The following LRRC7 variants were observed in gnomAD, a reference collection of about 807,000 sequenced individuals.
LRRC7 encodes the protein leucine rich repeat containing 7.
In LRRC7, 23 loss-of-function variants were observed where a neutral mutation model predicts 175.7. The ratio of observed to expected loss-of-function variants is 0.13; its 90% confidence interval spans 0.09 to 0.19. The LOEUF (loss-of-function observed/expected upper bound fraction) is 0.19, where lower values mean the gene tolerates loss of function less well. Among genes scored for constraint, LRRC7 ranks in the 10% least tolerant of loss-of-function variants. LRRC7 has a pLI of 1.00. For missense variants in LRRC7, 1,354 were observed against 1,904.7 expected, an observed-to-expected ratio of 0.71 and a Z score of 5.38; for synonymous variants, 685 against 680.9, an observed-to-expected ratio of 1.01 and a Z score of -0.09.
intron 11 of LRRC7, among the ~76,000 whole-genome samples, chr1:70,008,189 G>T (rs925708843): frequency 6.6e-6 from 1 of 152,144 alleles, no homozygotes; most frequent in East Asian, 1.9e-4. Context: ...AAAGATGTAG[G>T]CTGGGGGGCT....
intron 4 of LRRC7, among the ~76,000 whole-genome samples, chr1:69,811,529 A>T (rs1677863994): frequency 6.6e-6 from 1 of 152,198 alleles, no homozygotes; most frequent in Non-Finnish European, 1.5e-5. Flanking sequence ...CCAAATGTCC[A>T]TCAATGACAG....
At chr1:69,823,841 C>A (rs2101229663) in intron 4 of LRRC7, among the ~76,000 whole-genome samples, 1 of 152,172 alleles carries the variant, frequency 6.6e-6, no homozygotes, top group Admixed American at 6.6e-5. Context: ...TATGATAAAA[C>A]CATTCATATA....
intron 17 of LRRC7, among the ~76,000 whole-genome samples, chr1:70,026,334 C>T (rs1384711766): frequency 6.6e-6 from 1 of 152,094 alleles, no homozygotes; most frequent in Non-Finnish European, 1.5e-5. Flanking sequence ...CATTCTACAA[C>T]TTACATTTTT....
intron 1 of LRRC7, among the ~76,000 whole-genome samples, chr1:69,594,807 C>G (rs1332678056): frequency 1.3e-5 from 2 of 152,086 alleles, no homozygotes; most frequent in Non-Finnish European, 2.9e-5. Flanking sequence ...TAGATGTGGT[C>G]AAATCATCAC....
At chr1:69,841,423 C>T (rs545100543) in intron 7 of LRRC7, among the ~76,000 whole-genome samples, 7 of 152,042 alleles carry the variant, frequency 4.6e-5, no homozygotes, top group South Asian at 4.2e-4. Flanking sequence ...AAGAAAACAA[C>T]GTTAAGACTA....
intron 1 of LRRC7, among the ~76,000 whole-genome samples, chr1:69,623,026 T>C (rs1424978956): frequency 6.6e-6 from 1 of 152,138 alleles, no homozygotes. Flanking sequence ...ATGTTCAGAG[T>C]ATCCCTGTAA....
At chr1:69,844,607 T>C (rs1356126843) in intron 7 of LRRC7, among the ~76,000 whole-genome samples, 1 of 152,142 alleles carries the variant, frequency 6.6e-6, no homozygotes, top group Non-Finnish European at 1.5e-5. Flanking sequence ...TTAAGTTGAT[T>C]CCATATCTTG....
intron 23 of LRRC7, among the ~76,000 whole-genome samples, chr1:70,068,523 T>C (rs1662141037): frequency 6.6e-6 from 1 of 152,220 alleles, no homozygotes; most frequent in Non-Finnish European, 1.5e-5. Context: ...TAAGGATTTG[T>C]GCATCTATAT....
chr1:69,690,701 C>T (rs1216350572), intron 2 of LRRC7, among the ~76,000 whole-genome samples: 2 of 152,114 alleles, frequency 1.3e-5, no homozygotes, highest in African/African-American at 4.8e-5. Flanking sequence ...ACTGAGACAG[C>T]TGGATTTGCC....
intron 1 of LRRC7, among the ~76,000 whole-genome samples, chr1:69,617,967 G>A (rs1277707488): frequency 2.0e-5 from 3 of 152,032 alleles, no homozygotes; most frequent in African/African-American, 7.2e-5. Context: ...GACATAATAG[G>A]AACTCTCTCT....
At chr1:69,591,883 C>T (rs944759587) in intron 1 of LRRC7, among the ~76,000 whole-genome samples, 2 of 152,024 alleles carry the variant, frequency 1.3e-5, no homozygotes, top group Non-Finnish European at 2.9e-5. Context: ...AATACAAAAA[C>T]TCCCTCCCCC....
At chr1:69,587,308 A>G (rs1368056741) in intron 1 of LRRC7, among the ~76,000 whole-genome samples, 1 of 152,132 alleles carries the variant, frequency 6.6e-6, no homozygotes, top group Non-Finnish European at 1.5e-5. Context: ...TGTACCCACA[A>G]CAGTTCCCCA....
intron 2 of LRRC7, among the ~76,000 whole-genome samples, chr1:69,692,132 CT>C (rs1407087220): frequency 6.6e-6 from 1 of 152,100 alleles, no homozygotes; most frequent in Non-Finnish European, 1.5e-5. Context: ...CACAGGGCTT[CT>C]TTTTTGGGGA....
intron 1 of LRRC7, among the ~76,000 whole-genome samples, chr1:69,642,851 G>GATAGATAT (rs1654436646): frequency 1.3e-5 from 2 of 151,936 alleles, no homozygotes; most frequent in Non-Finnish European, 2.9e-5. Flanking sequence ...TAGATAGATA[G>GATAGATAT]ATAGATTATA....
At chr1:69,978,432 C>A (rs1557951129) in intron 8 of LRRC7, among the ~76,000 whole-genome samples, 1 of 152,328 alleles carries the variant, frequency 6.6e-6, no homozygotes, top group South Asian at 2.1e-4. Flanking sequence ...GTGCTCCCTA[C>A]ACATGATTTA....
intron 7 of LRRC7, among the ~76,000 whole-genome samples, chr1:69,911,143 C>T (rs563228615): frequency 5.3e-5 from 8 of 152,322 alleles, no homozygotes; most frequent in South Asian, 4.1e-4. Context: ...TGACCCCTTG[C>T]GCTTCCCAAG....
At chr1:69,626,250 T>C (rs976224761) in intron 1 of LRRC7, among the ~76,000 whole-genome samples, 1 of 152,104 alleles carries the variant, frequency 6.6e-6, no homozygotes, top group East Asian at 1.9e-4. Flanking sequence ...TCAGAATCTA[T>C]GGTATGTTTT....
At chr1:69,746,137 A>G (rs987930511) in intron 2 of LRRC7, among the ~76,000 whole-genome samples, 1 of 151,920 alleles carries the variant, frequency 6.6e-6, no homozygotes, top group Admixed American at 6.6e-5. Context: ...AAGCTCTTCA[A>G]TTTACATCCA....
intron 26 of LRRC7, among the ~76,000 whole-genome samples, chr1:70,113,269 A>G (rs1177016750): frequency 6.6e-6 from 1 of 152,206 alleles, no homozygotes; most frequent in African/African-American, 2.4e-5. Context: ...TTTCTTGCTT[A>G]GGTAAAGCTC....
Sources: gnomAD v4.1 joint callset for allele counts (sites outside exome capture counted in the v4.1 genomes callset) on GRCh38, gnomAD v4.1.1 for gene constraint, MANE v1.5 for transcripts, NCBI Gene and HGNC (gene_info 2026-07-23, HGNC 2026-07-21) for gene names.